The following IMPG1 variants were observed in gnomAD, a reference collection of about 807,000 sequenced individuals.
IMPG1 encodes interphotoreceptor matrix proteoglycan of 150 kDa.
IMPG1 carries 85 observed loss-of-function variants against 92.0 expected under a neutral mutation model. That is an observed-to-expected ratio of 0.92 (90% CI 0.78 to 1.11). IMPG1 has a LOEUF of 1.11. Ranked by LOEUF, IMPG1 falls within the 50% of genes least tolerant of loss-of-function variation. The probability of loss-of-function intolerance (pLI) is 0.00; values close to 1 mark genes in which losing one functional copy is unlikely to be tolerated. For synonymous variants in IMPG1, 367 were observed against 334.1 expected, an observed-to-expected ratio of 1.10 and a Z score of -1.08; for missense variants, 1,022 against 956.0, an observed-to-expected ratio of 1.07 and a Z score of -0.91.
intron 4 of IMPG1, among the ~76,000 whole-genome samples, chr6:76,026,766 T>C (rs958983230): frequency 8.5e-5 from 13 of 152,180 alleles, no homozygotes; most frequent in Non-Finnish European, 1.3e-4. Context: ...AAGTTCTTTT[T>C]CCCCTTTAGC....
intron 8 of IMPG1, among the ~76,000 whole-genome samples, chr6:76,010,815 A>G (rs1376235211): frequency 6.6e-6 from 1 of 152,240 alleles, no homozygotes; most frequent in Non-Finnish European, 1.5e-5. Context: ...CTGGTTAAAA[A>G]GGTAGGCAAT....
intron 12 of IMPG1, among the ~76,000 whole-genome samples, chr6:75,972,741 C>T (rs1471530759): frequency 6.6e-6 from 1 of 152,224 alleles, no homozygotes; most frequent in East Asian, 1.9e-4. Context: ...ATTCTTCAGT[C>T]ATTCTTTAAA....
chr6:76,003,128 T>C (rs1018941659), intron 11 of IMPG1, 132 bp from the exon 12 acceptor site: 6 of 666,064 alleles, frequency 9.0e-6, no homozygotes, highest in African/African-American at 7.2e-5. Flanking sequence ...GAATCTACTA[T>C]GGAGGAAGGT....
chr6:76,000,549 G>A (rs552957151), intron 12 of IMPG1, among the ~76,000 whole-genome samples: 3 of 152,226 alleles, frequency 2.0e-5, no homozygotes, highest in African/African-American at 7.2e-5. Context: ...TTAATGATAA[G>A]CCACACTGCA....
At chr6:76,067,938 A>G (rs1487765778) in intron 1 of IMPG1, among the ~76,000 whole-genome samples, 1 of 152,188 alleles carries the variant, frequency 6.6e-6, no homozygotes, top group Non-Finnish European at 1.5e-5. Context: ...AACAAAAACT[A>G]TAAGATCATC....
At position 76,070,770 on chromosome 6, in the gene IMPG1, A is replaced by G. The variant is rs540519812; in HGVS notation, c.67+1652T>C. The stretch of plus-strand genomic sequence containing the variant: ...TAAGTGGGAGCTAAATAATGTATAC[A>G]CAAGAAAGACATAGAGAGTGGAACA... On this transcript the variant is annotated intron_variant, in intron 1 of 16. Coordinates refer to ENST00000369950, the MANE Select transcript of IMPG1 (RefSeq NM_001563.4). 2.0e-5 allele frequency among the ~76,000 whole-genome samples: 3 copies of G among 152,266 alleles called. No homozygotes were observed. In the South Asian group the frequency reaches 6.2e-4, roughly 32 times the overall value.
intron 1 of IMPG1, among the ~76,000 whole-genome samples, chr6:76,070,690 C>G (rs1784390859): frequency 6.6e-6 from 1 of 152,048 alleles, no homozygotes; most frequent in South Asian, 2.1e-4. Context: ...GGAGGCTGCT[C>G]TCTTAAGTGA....
Position 75,922,106 on chromosome 6 carries a change from CT to C in IMPG1, c.2376del (p.Asp793IlefsTer8). On this transcript the variant is annotated frameshift_variant, in exon 17 of 17. Coordinates refer to ENST00000369950, the MANE Select transcript of IMPG1 (RefSeq NM_001563.4). LOFTEE classifies it high-confidence loss of function. The stretch of plus-strand genomic sequence containing the variant: ...TTCAGTTTTTAATTTCCTTCCCAAT[CT>C]TGATGGTTAAATTCTTCATATTCTA... ...LTVEYEEFNH[Q>X]DWEGN 1.5e-6 allele frequency: 2 copies of C among 1,348,432 alleles called. No homozygotes were observed. The highest frequency in any genetic ancestry group is 2.1e-6 in the Non-Finnish European group (2 of 950,654). The allele number at this position is 1,348,432 out of a possible 1,614,324, so 83.5% of individuals were successfully genotyped here.
chr6:75,996,014 C>T (rs1782894890), intron 12 of IMPG1, among the ~76,000 whole-genome samples: 1 of 152,192 alleles, frequency 6.6e-6, no homozygotes, highest in African/African-American at 2.4e-5. Context: ...TCACAGCATC[C>T]CAGAGAGCCA....
intron 1 of IMPG1, among the ~76,000 whole-genome samples, chr6:76,042,566 A>G (rs1297799988): frequency 6.6e-6 from 1 of 152,208 alleles, no homozygotes; most frequent in Non-Finnish European, 1.5e-5. Context: ...ACAATGCAAC[A>G]AAATAACCTT....
At chr6:76,001,925 A>G (rs941972816) in intron 12 of IMPG1, among the ~76,000 whole-genome samples, 21 of 152,232 alleles carry the variant, frequency 1.4e-4, no homozygotes, top group Non-Finnish European at 2.1e-4. Flanking sequence ...ATCATACCAT[A>G]TATGTATTCC....
intron 12 of IMPG1, among the ~76,000 whole-genome samples, chr6:75,952,001 T>C (rs1782042022): frequency 3.3e-5 from 5 of 152,166 alleles, no homozygotes; most frequent in Admixed American, 3.3e-4. Flanking sequence ...AGTTACATTA[T>C]TACGCTCTGA....
intron 1 of IMPG1, among the ~76,000 whole-genome samples, chr6:76,061,262 T>C (rs1784200404): frequency 6.6e-6 from 1 of 152,220 alleles, no homozygotes; most frequent in Non-Finnish European, 1.5e-5. Flanking sequence ...GTACATGAAG[T>C]ATCTTTAATT....
In IMPG1 at chr6:76,042,056, T is replaced by G; in HGVS notation, c.138A>C (p.Glu46Asp). 6.2e-7 allele frequency: 1 copy of G among 1,611,656 alleles called. No individual in the cohort carries two copies. The highest frequency in any genetic ancestry group is 8.5e-7 in the Non-Finnish European group (1 of 1,177,750). The change falls in exon 2 of 17, where the codon GAA becomes GAC. Residue 46 changes from glutamate to aspartate, a missense_variant. Physicochemically the swap from Glu to Asp is conservative, Grantham distance 45. This residue lies in a region of IMPG1 where 681 missense variants were observed against 583.6 expected (regional missense o/e 1.17). Coordinates refer to ENST00000369950, the MANE Select transcript of IMPG1 (RefSeq NM_001563.4). ...ACATTTTGTACATTTTTTCAGTACT[T>G]TCAGTTGTTTCATTTCTTGGGGGAT... is the stretch of plus-strand genomic sequence containing the variant. The part of the protein sequence containing the change: ...IDNPPRNETT[E>D]STEKMYKMST...
intron 14 of IMPG1, chr6:75,934,876 C>T (rs753411800): frequency 6.5e-6 from 3 of 460,064 alleles, no homozygotes; most frequent in Non-Finnish European, 1.4e-5. Context: ...ATCTCCCTAA[C>T]ATTTATCATA....
In IMPG1 at chr6:75,930,504, C is replaced by T. The variant is rs75339016; in HGVS notation, c.2243+449G>A. Among the ~76,000 whole-genome samples, 1,269 of 152,120 alleles carry T rather than the reference C, an allele frequency of 8.3e-3. 19 individuals carry two copies. The highest frequency in any genetic ancestry group is 0.028 in the African/African-American group (1,162 of 41,512). On this transcript the variant is annotated intron_variant, in intron 15 of 16. Transcript: ENST00000369950. ...TAACAGGATTTTTATCTTTTTTTCT[C>T]GTAATTTTCTATATTTCCCAGCTTT...
At chr6:75,955,584 C>G (rs1040464683) in intron 12 of IMPG1, among the ~76,000 whole-genome samples, 4 of 152,030 alleles carry the variant, frequency 2.6e-5, no homozygotes, top group East Asian at 3.9e-4. Flanking sequence ...ATTTGAATAC[C>G]CTTTATTTTT....
intron 12 of IMPG1, among the ~76,000 whole-genome samples, chr6:75,972,425 T>C (rs1255672438): frequency 6.7e-6 from 1 of 149,026 alleles, no homozygotes; most frequent in Non-Finnish European, 1.5e-5. Flanking sequence ...TTTTGTTTTC[T>C]GAAATCCTCT....
intron 14 of IMPG1, among the ~76,000 whole-genome samples, chr6:75,937,131 A>G (rs1466223607): frequency 6.6e-6 from 1 of 152,102 alleles, no homozygotes; most frequent in Non-Finnish European, 1.5e-5. Context: ...GGGGCAAATG[A>G]AGAGGGGAGA....
Sources: allele counts gnomAD v4.1 joint callset (sites outside exome capture counted in the v4.1 genomes callset), GRCh38; gene constraint gnomAD v4.1.1; regional missense constraint gnomAD v4.1.1; transcripts MANE v1.5; gene names NCBI Gene and HGNC (gene_info 2026-07-23, HGNC 2026-07-21).